Variants in ACAD9 observed in about 807,000 individuals in gnomAD.
ACAD9 encodes complex I assembly factor ACAD9, mitochondrial.
A neutral mutation model predicts 70.2 loss-of-function variants in ACAD9; 53 were observed. The ratio of observed to expected loss-of-function variants is 0.75; its 90% CI spans 0.61 to 0.95. ACAD9 has a LOEUF of 0.95. Ranked by LOEUF, ACAD9 falls within the 40% of genes least tolerant of loss-of-function variation. The pLI, the probability that ACAD9 is intolerant of heterozygous loss-of-function variation, is 0.00. For synonymous variants in ACAD9, 313 were observed against 312.1 expected, an observed-to-expected ratio of 1.00 and a Z score of -0.03; for missense variants, 777 against 802.8, an observed-to-expected ratio of 0.97 and a Z score of 0.39.
Position 128,910,816 on chromosome 3 carries a change from G to A in ACAD9, c.1765+3G>A. The A allele has an allele frequency of 1.9e-6, 3 of 1,614,156 alleles. No homozygotes were observed. The highest frequency in any genetic ancestry group is 2.5e-6 in the Non-Finnish European group (3 of 1,180,016). ...CAGCCTCTCTCAGCTGGACAAGTGT[G>A]AGTGGCATGTCTTGGGGGAGGGAAG... On this transcript the variant is annotated splice_donor_region_variant and intron_variant, in intron 17 of 17. Transcript: ENST00000308982.
chr3:128,902,752 C>G lies in ACAD9; in HGVS notation c.958+124C>G. 8.9e-7 allele frequency: 1 copy of G among 1,123,434 alleles called. No homozygotes were observed. The highest frequency in any genetic ancestry group is 1.3e-6 in the Non-Finnish European group (1 of 758,638). 69.6% of individuals were successfully genotyped at this position (1,123,434 alleles called of 1,614,324 possible). On this transcript the variant is annotated intron_variant, in intron 9 of 17. Transcript: ENST00000308982. This position sits in a 1 kb window ranked among gnomAD's most constrained non-coding sequence, Gnocchi z 4.0. ...TGCTGAACCAGGCTACCAGCCTGAG[C>G]TCAGTCCCTGGGCTTTTGTGGAGAC...
chr3:128,891,317 T>C (rs1435805103), intron 2 of ACAD9, among the ~76,000 whole-genome samples: 3 of 152,166 alleles, frequency 2.0e-5, no homozygotes, highest in African/African-American at 7.2e-5. Flanking sequence ...TATTCTCACT[T>C]TTGTATGTCT....
chr3:128,908,358 G>A, intron 13 of ACAD9, 94 bp downstream of exon 13: 1 of 1,439,962 alleles, frequency 6.9e-7, no homozygotes, highest in South Asian at 1.1e-5. Context: ...GCCTTGACCT[G>A]GAGTGGGGGC....
chr3:128,900,986 A>G (rs1935720861), intron 7 of ACAD9, among the ~76,000 whole-genome samples: 1 of 152,130 alleles, frequency 6.6e-6, no homozygotes, highest in Admixed American at 6.5e-5. Context: ...CATAGTCCTT[A>G]ATAAAAATAT....
chr3:128,889,627 C>T (rs1161620752), intron 2 of ACAD9, among the ~76,000 whole-genome samples: 1 of 152,146 alleles, frequency 6.6e-6, no homozygotes, highest in Non-Finnish European at 1.5e-5. Flanking sequence ...GTGATTTTGT[C>T]TGGCTTCTTT....
rs745405919 is a variant in ACAD9, at chr3:128,884,721, C to A, written c.219C>A (p.Pro73=). ...ATGAAATCAATCAGTTCTTGGGACC[C>A]GTGGAAAAATTCTTCACTGAAGAGG... The part of the protein sequence containing the change: ...ELNEINQFLG[P]VEKFFTEEVD... Residue 73 remains proline (P), a synonymous_variant, in exon 2 of 18, where the codon CCC becomes CCA. Transcript: ENST00000308982. 2 of 1,613,416 alleles carry A rather than the reference C, an allele frequency of 1.2e-6. No homozygotes were observed. Among genetic ancestry groups the A allele is most frequent in the South Asian group, 2.2e-5 (2 of 91,030 alleles).
chr3:128,910,025 T>C lies in ACAD9; in HGVS notation c.1568T>C (p.Ile523Thr), dbSNP rs747463129. Reference protein sequence around the residue: ...ETLLLRFGKTIMEEQLVLKRV... With the variant: ...ETLLLRFGKTTMEEQLVLKRV... Reference sequence around the variant, plus strand: ...TTGGAGCCTCTGTGATCCCAGACCATCATGGAGGAGCAGCTGGTACTGAAG... The same window carrying C: ...TTGGAGCCTCTGTGATCCCAGACCACCATGGAGGAGCAGCTGGTACTGAAG... The change falls in exon 16 of 18, where the codon ATC becomes ACC. Residue 523 changes from isoleucine (I) to threonine (T), a missense_variant. By Grantham distance (89) the Ile-to-Thr change is moderately conservative. Transcript: ENST00000308982. 1.4e-5 allele frequency: 22 copies of C among 1,613,418 alleles called. No homozygotes were observed. The highest frequency in any genetic ancestry group is 1.9e-5 in the Non-Finnish European group (22 of 1,179,912).
chr3:128,912,623 C>A lies in ACAD9; in HGVS notation c.*16C>A, dbSNP rs752517680. The A allele has an allele frequency of 6.2e-7, 1 of 1,604,558 alleles. No individual in the cohort carries two copies. The highest frequency in any genetic ancestry group is 8.5e-7 in the Non-Finnish European group (1 of 1,171,318). ...GACATGCTGAGGCAGGGGACAGTGT[C>A]CCCTGCTACCGCCCGCCCCTACCCA... On this transcript the variant is annotated 3_prime_UTR_variant, in exon 18 of 18. Transcript: ENST00000308982.
At chr3:128,887,166 C>G (rs1321275788) in intron 2 of ACAD9, among the ~76,000 whole-genome samples, 1 of 152,050 alleles carries the variant, frequency 6.6e-6, no homozygotes, top group African/African-American at 2.4e-5. Context: ...CTCAAATGAT[C>G]TGCCTGTAAT....
Position 128,912,542 on chromosome 3 carries a change from G to GTGTCCCAGCAGA in ACAD9, c.1803_1814dup (p.Gln604_Ile605insMetSerGlnGln), listed in dbSNP as rs775100060. On this transcript the variant is annotated inframe_insertion, in exon 18 of 18. Coordinates refer to ENST00000308982, the MANE Select transcript of ACAD9 (RefSeq NM_014049.5). ...AAACCTAGATGAGCAGATTAAGAAA[G>GTGTCCCAGCAGA]TGTCCCAGCAGATCCTTGAGAAGCG... 5.0e-6 allele frequency: 8 copies of GTGTCCCAGCAGA among 1,614,030 alleles called. No homozygotes were observed. The highest frequency in any genetic ancestry group is 6.8e-6 in the Non-Finnish European group (8 of 1,180,036).
chr3:128,901,157 C>G (rs1283837807), intron 7 of ACAD9, 119 bp from the exon 8 acceptor site: 2 of 931,672 alleles, frequency 2.1e-6, no homozygotes, highest in Non-Finnish European at 3.4e-6. Flanking sequence ...TCTTTCTATA[C>G]TGTCCTACCA....
At chr3:128,880,068 T>G (rs888159573) in intron 1 of ACAD9, 1 of 1,500,246 alleles carries the variant, frequency 6.7e-7, no homozygotes, top group Non-Finnish European at 8.9e-7. Context: ...GGTGACGTGT[T>G]CCAGCTAAAT....
At chr3:128,887,644 A>AATATATATATATATATATATAT (rs71153150) in intron 2 of ACAD9, among the ~76,000 whole-genome samples, 15 of 133,084 alleles carry the variant, frequency 1.1e-4, no homozygotes, top group African/African-American at 3.8e-4. Context: ...AAAATAAATA[A>AATATATATATATATATATATAT]ATATATATAT....
rs746622337 is a variant in ACAD9, at chr3:128,909,069, C to T, written c.1455C>T (p.Gly485=). The change falls in exon 14 of 18, where the codon GGC becomes GGT. Residue 485 remains glycine, a synonymous_variant. Transcript: ENST00000308982. ...LGRTVDLGLT[G]NHGVVHPSLA... ...GAACTGTGGACCTGGGGCTGACAGG[C>T]AACCATGGAGTTGTGCACCCCAGTC... 2 of 1,614,074 alleles carry T rather than the reference C, an allele frequency of 1.2e-6. No individual in the cohort carries two copies. Among genetic ancestry groups the T allele is most frequent in the Admixed American group, 3.3e-5 (2 of 60,028 alleles).
chr3:128,899,429 C>A lies in ACAD9; in HGVS notation c.776C>A (p.Pro259His). ...RDFGGVTNGK[P>H]EDKLGIRGSN... The stretch of plus-strand genomic sequence containing the variant: ...TTTGGTGGAGTCACTAATGGGAAAC[C>A]CGAAGATAAATTAGGCATTCGGGGC... The change falls in exon 7 of 18, where the codon CCC (proline) becomes CAC (histidine). Residue 259 changes from proline (P) to histidine (H), a missense_variant. By Grantham distance (77) the Pro-to-His change is moderately conservative. Coordinates refer to ENST00000308982, the MANE Select transcript of ACAD9 (RefSeq NM_014049.5). The A allele has an allele frequency of 1.9e-6, 3 of 1,614,128 alleles. No homozygotes were observed. The highest frequency in any genetic ancestry group is 2.5e-6 in the Non-Finnish European group (3 of 1,180,038).
chr3:128,880,145 C>A, intron 1 of ACAD9: 1 of 827,836 alleles, frequency 1.2e-6, no homozygotes, highest in Non-Finnish European at 1.7e-6. Flanking sequence ...CTCAGCTGGT[C>A]TGGTCTGGAA....
chr3:128,902,668 C>T lies in ACAD9; in HGVS notation c.958+40C>T. 1 of 1,607,212 alleles carries T rather than the reference C, an allele frequency of 6.2e-7. No homozygotes were observed. ...GACAAGGCCCTTTGTGCCCCACCCCCTGCTGCCCCGGCTCCAACCCTGGAG... is the reference window on the plus strand; with the variant it reads ...GACAAGGCCCTTTGTGCCCCACCCCTTGCTGCCCCGGCTCCAACCCTGGAG... On this transcript the variant is annotated intron_variant, in intron 9 of 17. Transcript: ENST00000308982. The surrounding 1 kb of genome is among the most constrained non-coding windows in gnomAD (Gnocchi z 4.0).
At position 128,879,795 on chromosome 3, in the gene ACAD9, CT is replaced by C; in HGVS notation, c.105del (p.Val36TyrfsTer10). ...ANRRLLRTSP[P>X]VRAFAKELFL... is the part of the protein sequence containing the mutation. ...CGGCGGCTACTGCGCACCAGCCCGC[CT>C]GTACGAGCTTTCGCCAAAGAGCTTT... On this transcript the variant is annotated frameshift_variant, in exon 1 of 18. Coordinates refer to ENST00000308982, the MANE Select transcript of ACAD9 (RefSeq NM_014049.5). LOFTEE classifies it high-confidence loss of function. The C allele has an allele frequency of 6.2e-7, 1 of 1,614,066 alleles. No individual in the cohort carries two copies. Among genetic ancestry groups the C allele is most frequent in the Non-Finnish European group, 8.5e-7 (1 of 1,180,034 alleles).
At chr3:128,888,208 C>A (rs1262555451) in intron 2 of ACAD9, among the ~76,000 whole-genome samples, 1 of 152,118 alleles carries the variant, frequency 6.6e-6, no homozygotes, top group Non-Finnish European at 1.5e-5. Context: ...GGACTCTGAG[C>A]CAAAACGTTA....
Sources: gnomAD v4.1 joint callset for allele counts (sites outside exome capture counted in the v4.1 genomes callset) on GRCh38, gnomAD v4.1.1 for gene constraint, Gnocchi (gnomAD v3.1) non-coding constraint, MANE v1.5 for transcripts, NCBI Gene and HGNC (gene_info 2026-07-23, HGNC 2026-07-21) for gene names.